CYP2A7: variants seen among roughly 807,000 people sequenced by gnomAD.
The protein encoded by CYP2A7 is cytochrome P450 family 2 subfamily A member 7.
In CYP2A7, 36 loss-of-function variants were observed where a neutral mutation model predicts 42.0. That is an observed-to-expected ratio of 0.86 (90% CI 0.66 to 1.13). The LOEUF is 1.13. Among genes scored for constraint, CYP2A7 ranks in the 50% most tolerant of loss-of-function variants. The pLI is 0.00. For missense variants in CYP2A7, 661 were observed against 634.1 expected (o/e 1.04, Z -0.46); for synonymous variants, 260 against 249.5 (o/e 1.04, Z -0.40).
Position 40,880,710 on chromosome 19 carries a change from G to C in CYP2A7, c.344-82C>G. On this transcript the variant is annotated intron_variant, in intron 2 of 8. Coordinates refer to ENST00000301146, the MANE Select transcript of CYP2A7 (RefSeq NM_000764.3). ...GACCAGTTCCAAGGGGCTCCCCAAGGGTGGAGCAGAGGGGTAGTGGGGTGG... is the reference window on the plus strand; with the variant it reads ...GACCAGTTCCAAGGGGCTCCCCAAGCGTGGAGCAGAGGGGTAGTGGGGTGG... 3 of 1,476,372 alleles carry C rather than the reference G, an allele frequency of 2.0e-6. No homozygotes were observed. The South Asian group carries it at 3.7e-5, about 18-fold the overall frequency. The allele number at this position is 1,476,372 out of a possible 1,614,324, so 91.5% of individuals were successfully genotyped here.
In CYP2A7 at chr19:40,881,706, G is replaced by A. The variant is rs766513839; in HGVS notation, c.226C>T (p.Arg76Trp). 16 of 1,611,286 alleles carry A rather than the reference G, an allele frequency of 9.9e-6. No homozygotes were observed. The highest frequency in any genetic ancestry group is 3.3e-5 in the South Asian group (3 of 90,746). The change falls in exon 2 of 9, where the codon CGG becomes TGG. Residue 76 changes from arginine to tryptophan, a missense_variant. By Grantham distance (101) the Arg-to-Trp change is moderately radical. This residue lies in a region of CYP2A7 where 614 missense variants were observed against 552.4 expected (regional missense o/e 1.11). Transcript: ENST00000301146. ...GPVFTIHLGP[R>W]RVVVLCGHDA... The stretch of plus-strand genomic sequence containing the variant: ...TGTCCACACAGCACCACGACCCGCC[G>A]GGGCCCCAAGTGAATGGTGAACACG...
In CYP2A7 at chr19:40,881,492, A is replaced by T. The variant is rs67808403; in HGVS notation, c.343+97T>A. 78 of 1,575,154 alleles carry T rather than the reference A, an allele frequency of 5.0e-5. 1 individual carries two copies. In the Admixed American group the frequency reaches 6.1e-4, roughly 12 times the overall value. On this transcript the variant is annotated intron_variant, in intron 2 of 8. Coordinates refer to ENST00000301146, the MANE Select transcript of CYP2A7 (RefSeq NM_000764.3). ...ATAAGACCAGACCGGGGGTTCTGCC[A>T]TAGCCTCCAGTGGGCAGGAGAGTCA...
chr19:40,880,385 C>G, intron 3 of CYP2A7, 94 bp downstream of exon 3: 1 of 1,551,844 alleles, frequency 6.4e-7, no homozygotes, highest in East Asian at 2.3e-5. Context: ...GCGCCTTTCC[C>G]CACCTAGTCC....
At position 40,876,778 on chromosome 19, in the gene CYP2A7, C is replaced by G. The variant is rs1599790902; in HGVS notation, c.1162-110G>C. On this transcript the variant is annotated intron_variant, in intron 7 of 8. Transcript: ENST00000301146. ...GCCCCAGGTAAGGGGAAGTGGCAGG[C>G]ATGGAGGAGTTGGGGTCCTGTGAAG... 2.8e-6 allele frequency: 4 copies of G among 1,422,876 alleles called. No individual in the cohort carries two copies. In the South Asian group the frequency reaches 4.0e-5, roughly 14 times the overall value. The allele number at this position is 1,422,876 out of a possible 1,614,324, so 88.1% of individuals were successfully genotyped here.
intron 2 of CYP2A7, among the ~76,000 whole-genome samples, chr19:40,881,022 T>C (rs1967670098): frequency 6.9e-6 from 1 of 145,290 alleles, no homozygotes; most frequent in Admixed American, 6.9e-5. Context: ...GGAAGTGAGA[T>C]ATGGGGAGAT....
At chr19:40,881,848 G>A in intron 1 of CYP2A7, 97 bp from the exon 2 acceptor site, 1 of 1,545,778 alleles carries the variant, frequency 6.5e-7, no homozygotes, top group Non-Finnish European at 8.7e-7. Flanking sequence ...TCACCCCCAG[G>A]TTCTCACAGT....
chr19:40,877,797 G>T (rs1196366620), intron 6 of CYP2A7, 55 bp downstream of exon 6: 2 of 1,562,198 alleles, frequency 1.3e-6, no homozygotes, highest in East Asian at 2.2e-5. Flanking sequence ...TGCACCAGTC[G>T]AAGGGGAATT....
intron 8 of CYP2A7, 79 bp downstream of exon 8, chr19:40,876,448 C>T: frequency 1.9e-6 from 3 of 1,605,626 alleles, no homozygotes; most frequent in South Asian, 2.2e-5. Context: ...TACCAGGCTA[C>T]ACCGCAGAGA....
chr19:40,882,055 C>A lies in CYP2A7; in HGVS notation c.156G>T (p.Glu52Asp). The change falls in exon 1 of 9, where the codon GAG becomes GAT. Residue 52 changes from glutamate to aspartate, a missense_variant. By Grantham distance (45) the Glu-to-Asp change is conservative (BLOSUM62 2). Transcript: ENST00000301146. The stretch of plus-strand genomic sequence containing the variant: ...CCTTCATGATGGAGTCACATATGTG[C>A]TCTGTGTTCAGCTGGAGGTAGTTTC... ...FIGNYLQLNT[E>D]HICDSIMKFS... 6.2e-7 allele frequency: 1 copy of A among 1,613,882 alleles called. No individual in the cohort carries two copies. The highest frequency in any genetic ancestry group is 1.3e-5 in the African/African-American group (1 of 75,042).
rs1391713899 is a variant in CYP2A7, at chr19:40,877,886, G to A, written c.939C>T (p.Gly313=). The change falls in exon 6 of 9, where the codon GGC becomes GGT. Residue 313 remains glycine (G), a synonymous_variant. Transcript: ENST00000301146. The stretch of plus-strand genomic sequence containing the variant: ...CTGGGTGCTTCATGAGCAGCAAGAA[G>A]CCATAGCGCAGGGTGGTGCTGACCG... ...TETVSTTLRY[G]FLLLMKHPEV... is the part of the protein sequence containing the mutation. 8.7e-6 allele frequency: 14 copies of A among 1,611,174 alleles called. No homozygotes were observed. Among genetic ancestry groups the A allele is most frequent in the Non-Finnish European group, 1.2e-5 (14 of 1,178,552 alleles).
chr19:40,876,570 C>G lies in CYP2A7; in HGVS notation c.1260G>C (p.Lys420Asn). 7 of 1,613,080 alleles carry G rather than the reference C, an allele frequency of 4.3e-6. No homozygotes were observed. Among genetic ancestry groups the G allele is most frequent in the African/African-American group, 1.3e-5 (1 of 74,990 alleles). ...AAGCATCACTCTTCTTAAACTGCCC[C>G]TTGTCATCCAGGAAATGCTGGGGAT... ...DFNPQHFLDD[K>N]GQFKKSDAFV... The change falls in exon 8 of 9, where the codon AAG (lysine) becomes AAC (asparagine). Residue 420 changes from lysine to asparagine, a missense_variant. Transcript: ENST00000301146.
chr19:40,878,671 A>T (rs1220575907), intron 5 of CYP2A7, 89 bp downstream of exon 5: 3 of 1,530,786 alleles, frequency 2.0e-6, no homozygotes, highest in Non-Finnish European at 2.7e-6. Flanking sequence ...GCTAATTTGA[A>T]CGGGTCTGTG....
intron 1 of CYP2A7, 54 bp from the exon 2 acceptor site, chr19:40,881,805 G>A (rs1967700002): frequency 1.2e-5 from 19 of 1,597,022 alleles, no homozygotes; most frequent in Admixed American, 1.7e-5. Context: ...TCTGAATGGG[G>A]CCCAGCACCG....
At chr19:40,880,801 GAGAGAGA>G (rs1967654275) in intron 2 of CYP2A7, among the ~76,000 whole-genome samples, 173 bp from the exon 3 acceptor site, 2 of 3,092 alleles carry the variant, frequency 6.5e-4, no homozygotes, top group Non-Finnish European at 2.0e-3. Flanking sequence ...ACACGAGGGA[GAGAGAGA>G]GAGAGAGAGA....
chr19:40,876,765 G>A (rs1967543078), intron 7 of CYP2A7, 97 bp from the exon 8 acceptor site: 1 of 1,477,480 alleles, frequency 6.8e-7, no homozygotes, highest in Non-Finnish European at 9.2e-7. Flanking sequence ...CCCAGGTAAG[G>A]GGAAGTGGCA....
intron 8 of CYP2A7, chr19:40,876,245 T>C (rs1967527599): frequency 1.0e-5 from 6 of 601,952 alleles, no homozygotes; most frequent in Non-Finnish European, 5.7e-6. Context: ...CACTTGCAAA[T>C]ATGACTGCTG....
Position 40,880,645 on chromosome 19 carries a change from G to A in CYP2A7, c.344-17C>T, listed in dbSNP as rs377764547. 2.5e-6 allele frequency: 4 copies of A among 1,586,402 alleles called. No individual in the cohort carries two copies. The highest frequency in any genetic ancestry group is 2.3e-5 in the East Asian group (1 of 44,220). ...ACGCCACGCCTGGGGAGGTCAAGGC[G>A]GGGGTGGAGAGAGGTCAGGGGGCGG... On this transcript the variant is annotated splice_polypyrimidine_tract_variant and intron_variant, in intron 2 of 8. Coordinates refer to ENST00000301146, the MANE Select transcript of CYP2A7 (RefSeq NM_000764.3).
chr19:40,880,505 A>T lies in CYP2A7; in HGVS notation c.467T>A (p.Leu156His). The T allele has an allele frequency of 6.2e-7, 1 of 1,612,480 alleles. No individual in the cohort carries two copies. Among genetic ancestry groups the T allele is most frequent in the Non-Finnish European group, 8.5e-7 (1 of 1,179,014 alleles). The change falls in exon 3 of 9, where the codon CTC becomes CAC. Residue 156 changes from leucine to histidine, a missense_variant. Transcript: ENST00000301146. ...GTGCGTGCTCCGGATGGCCTCGATG[A>T]GGAAGCCCGACTCCTCCTGGATGCG... is the stretch of plus-strand genomic sequence containing the variant. ...EERIQEESGF[L>H]IEAIRSTHGA... is the part of the protein sequence containing the mutation.
intron 8 of CYP2A7, 161 bp downstream of exon 8, chr19:40,876,366 G>A: frequency 3.4e-6 from 4 of 1,191,296 alleles, no homozygotes; most frequent in Admixed American, 1.9e-5. Flanking sequence ...GGTACTGGGT[G>A]CTTGGTAGTT....
Sources: allele counts gnomAD v4.1 joint callset (sites outside exome capture counted in the v4.1 genomes callset), GRCh38; gene constraint gnomAD v4.1.1; regional missense constraint gnomAD v4.1.1; transcripts MANE v1.5; gene names NCBI Gene and HGNC (gene_info 2026-07-23, HGNC 2026-07-21).